GRIN2B: variants seen among roughly 807,000 people sequenced by gnomAD.
GRIN2B encodes glutamate ionotropic receptor NMDA type subunit 2B.
A neutral mutation model predicts 114.5 loss-of-function variants in GRIN2B; 5 were observed. The observed-to-expected ratio is 0.04, with a 90% CI of 0.02 to 0.09. GRIN2B has a LOEUF of 0.09. GRIN2B is among the 10% of genes least tolerant of loss of function. The probability of loss-of-function intolerance (pLI) is 1.00; values close to 1 mark genes in which losing one functional copy is unlikely to be tolerated. For synonymous variants in GRIN2B, 787 were observed against 745.1 expected, an observed-to-expected ratio of 1.06 and a Z score of -0.92; for missense variants, 1,108 against 1,943.5, an observed-to-expected ratio of 0.57 and a Z score of 8.08.
intron 4 of GRIN2B, among the ~76,000 whole-genome samples, chr12:13,692,760 C>CTTTCTTTCT (rs1427827056): frequency 5.8e-5 from 3 of 52,132 alleles, no homozygotes; most frequent in African/African-American, 2.8e-4. Context: ...TCTTTCTTTT[C>CTTTCTTTCT]TTTTTTTTTT....
chr12:13,711,674 A>G lies in GRIN2B; in HGVS notation c.1011-35815T>C, dbSNP rs929467341. ...CAGAGAAATGCAAATCAAAACCACA[A>G]TGAGATACCATCTCACACCAGTTAG... On this transcript the variant is annotated intron_variant, in intron 4 of 13. Coordinates refer to ENST00000609686, the MANE Select transcript of GRIN2B (RefSeq NM_000834.5). 4.1e-4 allele frequency among the ~76,000 whole-genome samples: 62 copies of G among 152,076 alleles called. 2 individuals carry two copies. The highest frequency in any genetic ancestry group is 5.2e-4 in the Admixed American group (8 of 15,260).
chr12:13,617,548 A>G (rs558984266), intron 5 of GRIN2B, among the ~76,000 whole-genome samples: 68 of 152,310 alleles, frequency 4.5e-4, no homozygotes, highest in Non-Finnish European at 5.7e-4. Context: ...GGGAATCAAC[A>G]TGGCTTTGTT....
rs117280391 is a variant in GRIN2B at position 13,865,153 on chromosome 12, G to A, written c.411+645C>T. On this transcript the variant is annotated intron_variant, in intron 3 of 13. Transcript: ENST00000609686. ...TTGAAAACAGTATGGGGGAGAACACGTATTGCCAAAGAATAACAGAGTATG... is the reference window on the plus strand; with the variant it reads ...TTGAAAACAGTATGGGGGAGAACACATATTGCCAAAGAATAACAGAGTATG... Among the ~76,000 whole-genome samples the A allele has an allele frequency of 2.0e-4, 31 of 152,304 alleles. No individual in the cohort carries two copies. In the East Asian group the frequency reaches 4.4e-3, roughly 22 times the overall value.
In GRIN2B at chr12:13,724,198, A is replaced by G. The variant is rs144909153; in HGVS notation, c.1010+29119T>C. On this transcript the variant is annotated intron_variant, in intron 4 of 13. Transcript: ENST00000609686. Reference sequence around the variant, plus strand: ...GTGACCCCATCTCTCTGTAGTCCCTACAGGCCAATAACTAGAGCCAGGTCA... The same window carrying G: ...GTGACCCCATCTCTCTGTAGTCCCTGCAGGCCAATAACTAGAGCCAGGTCA... Among the ~76,000 whole-genome samples the G allele has an allele frequency of 1.9e-3, 296 of 152,282 alleles. 3 individuals are homozygous for G. The highest frequency in any genetic ancestry group is 7.0e-3 in the African/African-American group (289 of 41,576).
Position 13,760,120 on chromosome 12 carries a change from G to T in GRIN2B, c.412-6205C>A, listed in dbSNP as rs538486296. Among the ~76,000 whole-genome samples the T allele has an allele frequency of 2.0e-4, 30 of 152,262 alleles. 1 individual carries two copies. The highest frequency in any genetic ancestry group is 6.7e-4 in the African/African-American group (28 of 41,540). On this transcript the variant is annotated intron_variant, in intron 3 of 13. Coordinates refer to ENST00000609686, the MANE Select transcript of GRIN2B (RefSeq NM_000834.5). ...TAGGCATATCTGATCCCCTTGTCCA[G>T]CTTTGCTTTTTCTTTTTCCCATAGC...
At chr12:13,768,663 T>C (rs1192439767) in intron 3 of GRIN2B, among the ~76,000 whole-genome samples, 1 of 152,250 alleles carries the variant, frequency 6.6e-6, no homozygotes, top group African/African-American at 2.4e-5. Context: ...AATTGCCTGG[T>C]ATTTTGTTTT....
At chr12:13,916,735 ATTTGTGTG>A (rs1416777966) in intron 2 of GRIN2B, among the ~76,000 whole-genome samples, 1 of 101,904 alleles carries the variant, frequency 9.8e-6, no homozygotes, top group Non-Finnish European at 2.1e-5. Flanking sequence ...ACACACACAC[ATTTGTGTG>A]TGTGTGTGTG....
intron 2 of GRIN2B, among the ~76,000 whole-genome samples, chr12:13,871,571 T>G (rs1865907933): frequency 6.6e-6 from 1 of 151,830 alleles, no homozygotes; most frequent in African/African-American, 2.4e-5. Flanking sequence ...AAAATATGAT[T>G]AATTATAATT....
intron 3 of GRIN2B, among the ~76,000 whole-genome samples, chr12:13,760,561 G>T (rs1377598466): frequency 6.6e-6 from 1 of 152,100 alleles, no homozygotes; most frequent in Non-Finnish European, 1.5e-5. Context: ...TATTAATAAA[G>T]AAAATTCTCC....
intron 5 of GRIN2B, among the ~76,000 whole-genome samples, chr12:13,643,042 T>C (rs1436009824): frequency 6.6e-6 from 1 of 152,176 alleles, no homozygotes; most frequent in Non-Finnish European, 1.5e-5. Flanking sequence ...AACTGTCTCT[T>C]TTTCAATGAT....
chr12:13,687,053 C>T (rs887661420), intron 4 of GRIN2B, among the ~76,000 whole-genome samples: 1 of 152,090 alleles, frequency 6.6e-6, no homozygotes, highest in Admixed American at 6.5e-5. Flanking sequence ...TTTCACCTTC[C>T]CCCACGAGTA....
intron 2 of GRIN2B, among the ~76,000 whole-genome samples, chr12:13,954,818 A>AAAAAAAAAAAAAAAAG: frequency 6.8e-6 from 1 of 146,828 alleles, no homozygotes; most frequent in African/African-American, 2.5e-5. Flanking sequence ...CAGGAAAAAA[A>AAAAAAAAAAAAAAAAG]AAAAAAAAAA....
chr12:13,663,070 G>T (rs560620084), intron 5 of GRIN2B, among the ~76,000 whole-genome samples: 4 of 152,194 alleles, frequency 2.6e-5, no homozygotes, highest in South Asian at 2.1e-4. Context: ...CTTCTAGTAG[G>T]TTCCCCGGTG....
rs78893312 is a variant in GRIN2B at position 13,803,209 on chromosome 12, G to C, written c.412-49294C>G. On this transcript the variant is annotated intron_variant, in intron 3 of 13. Coordinates refer to ENST00000609686, the MANE Select transcript of GRIN2B (RefSeq NM_000834.5). ...TGCTAATTGACTGTTTCTGTTATCA[G>C]CAAGGCTTCCAGTAAACAGTAGGCT... Among the ~76,000 whole-genome samples, 652 of 152,242 alleles carry C rather than the reference G, an allele frequency of 4.3e-3. 1 individual carries two copies. Among genetic ancestry groups the C allele is most frequent in the Middle Eastern group, 0.034 (10 of 294 alleles).
At position 13,545,543 on chromosome 12, in the gene GRIN2B, A is replaced by T. The variant is rs754858614; in HGVS notation, c.*17240T>A. 6.6e-6 allele frequency: 1 copy of T among 152,166 alleles called. No homozygotes were observed. Among genetic ancestry groups the T allele is most frequent in the Non-Finnish European group, 1.5e-5 (1 of 68,028 alleles). 9.4% of individuals were successfully genotyped at this position (152,166 alleles called of 1,614,324 possible). On this transcript the variant is annotated 3_prime_UTR_variant, in exon 14 of 14. Transcript: ENST00000609686. ...AATAAGAGCTCCAGTAAACAAAACA[A>T]TGCAAGCAAGGAAACAACTCCTCCC...
In GRIN2B at chr12:13,602,996, T is replaced by C. The variant is rs533486789; in HGVS notation, c.2010+5607A>G. On this transcript the variant is annotated intron_variant, in intron 10 of 13. Transcript: ENST00000609686. ...GCAAACTTCTGTGACTTTAGCAGCCTCCACCTCCCTGTGGGCTTCCTCCAA... is the reference window on the plus strand; with the variant it reads ...GCAAACTTCTGTGACTTTAGCAGCCCCCACCTCCCTGTGGGCTTCCTCCAA... 2.0e-5 allele frequency among the ~76,000 whole-genome samples: 3 copies of C among 152,280 alleles called. No individual in the cohort carries two copies. In the South Asian group the frequency reaches 6.2e-4, roughly 32 times the overall value.
At chr12:13,587,281 TC>T (rs1332867804) in intron 10 of GRIN2B, among the ~76,000 whole-genome samples, 38 of 151,382 alleles carry the variant, frequency 2.5e-4, no homozygotes, top group African/African-American at 9.2e-4. Context: ...CTCGTAAGCA[TC>T]TTCCTCTCTG....
intron 3 of GRIN2B, among the ~76,000 whole-genome samples, chr12:13,837,196 G>C (rs1339513295): frequency 6.6e-6 from 1 of 152,154 alleles, no homozygotes; most frequent in Non-Finnish European, 1.5e-5. Flanking sequence ...CCTTTAGGGG[G>C]CTTCACTATA....
At chr12:13,572,106 C>A (rs143006091) in intron 10 of GRIN2B, 142 bp from the exon 11 acceptor site, 252 of 702,144 alleles carry the variant, frequency 3.6e-4, no homozygotes, top group Middle Eastern at 1.9e-3. Context: ...TATAATTCAC[C>A]GAATACATTA....
Sources: gnomAD v4.1 joint callset for allele counts (sites outside exome capture counted in the v4.1 genomes callset) on GRCh38, gnomAD v4.1.1 for gene constraint, MANE v1.5 for transcripts, NCBI Gene and HGNC (gene_info 2026-07-23, HGNC 2026-07-21) for gene names.